The following HHAT variants were observed in gnomAD, a reference collection of about 807,000 sequenced individuals.
HHAT encodes the protein protein-cysteine N-palmitoyltransferase HHAT.
Under a neutral mutation model 70.8 loss-of-function variants are expected in HHAT, and 47 were observed. That is an observed-to-expected ratio of 0.66 (90% confidence interval 0.53 to 0.85). The LOEUF (loss-of-function observed/expected upper bound fraction) is 0.85, where lower values mean the gene tolerates loss of function less well. Among genes scored for constraint, HHAT ranks in the 40% least tolerant of loss-of-function variants. The pLI is 0.00. For synonymous variants in HHAT, 228 were observed against 247.6 expected, an observed-to-expected ratio of 0.92 and a Z score of 0.74; for missense variants, 609 against 604.8, an observed-to-expected ratio of 1.01 and a Z score of -0.07.
At chr1:210,477,806 G>A (rs1185738422) in intron 8 of HHAT, among the ~76,000 whole-genome samples, 1 of 152,188 alleles carries the variant, frequency 6.6e-6, no homozygotes, top group African/African-American at 2.4e-5. Flanking sequence ...TTCTTCAGCT[G>A]GGAGTGGGGA....
At chr1:210,662,680 C>G (rs868455246) in intron 11 of HHAT, among the ~76,000 whole-genome samples, 1 of 150,818 alleles carries the variant, frequency 6.6e-6, no homozygotes, top group Admixed American at 6.7e-5. Flanking sequence ...TTTTTCAGCA[C>G]CCCTTCTGCT....
chr1:210,397,306 A>G (rs1170733861), intron 4 of HHAT, among the ~76,000 whole-genome samples: 1 of 152,226 alleles, frequency 6.6e-6, no homozygotes, highest in Non-Finnish European at 1.5e-5. Flanking sequence ...TTATGTGATC[A>G]ATGTGATTCT....
chr1:210,585,279 A>G (rs1227031952), intron 9 of HHAT, among the ~76,000 whole-genome samples: 2 of 152,232 alleles, frequency 1.3e-5, no homozygotes, highest in Non-Finnish European at 2.9e-5. Flanking sequence ...ATAATTTATT[A>G]TCTAAACTGG....
chr1:210,657,586 G>A (rs1055660210), intron 11 of HHAT, among the ~76,000 whole-genome samples: 2 of 152,220 alleles, frequency 1.3e-5, no homozygotes, highest in Non-Finnish European at 1.5e-5. Context: ...AGAAATTCAA[G>A]TCAAGTAATT....
chr1:210,641,883 C>G (rs182813098), intron 11 of HHAT, among the ~76,000 whole-genome samples: 1 of 152,316 alleles, frequency 6.6e-6, no homozygotes, highest in Non-Finnish European at 1.5e-5. Flanking sequence ...AAGCTGCAAC[C>G]CTTCTTACAC....
chr1:210,664,148 A>G (rs1678392705), intron 11 of HHAT, among the ~76,000 whole-genome samples: 1 of 152,220 alleles, frequency 6.6e-6, no homozygotes, highest in South Asian at 2.1e-4. Flanking sequence ...GTTGCTGTGT[A>G]TCTTTTGATA....
chr1:210,661,662 C>T (rs1317107128), intron 11 of HHAT, among the ~76,000 whole-genome samples: 2 of 152,146 alleles, frequency 1.3e-5, no homozygotes, highest in Non-Finnish European at 2.9e-5. Context: ...AAATGTCCAT[C>T]AATGATAGAC....
At chr1:210,649,628 C>T (rs1039397380) in intron 11 of HHAT, among the ~76,000 whole-genome samples, 3 of 152,232 alleles carry the variant, frequency 2.0e-5, no homozygotes, top group South Asian at 2.1e-4. Context: ...TCATCTCTGG[C>T]AGGAGCCACA....
chr1:210,349,242 T>C (rs2086799165), intron 2 of HHAT, among the ~76,000 whole-genome samples, 176 bp downstream of exon 2: 1 of 152,204 alleles, frequency 6.6e-6, no homozygotes, highest in South Asian at 2.1e-4. Flanking sequence ...TTGAGTTTTC[T>C]ACCCTAAACC....
rs184977044 is a variant in HHAT at position 210,500,113 on chromosome 1, C to T, written c.1008-13040C>T. ...TTCAAAGCAGTTGGGTTTGGGTTAC[C>T]AACAGGGGCAAGGCCAAATGTTCAA... is the stretch of plus-strand genomic sequence containing the variant. On this transcript the variant is annotated intron_variant, in intron 8 of 11. Coordinates refer to ENST00000261458, the MANE Select transcript of HHAT (RefSeq NM_018194.6). Among the ~76,000 whole-genome samples the T allele has an allele frequency of 3.1e-3, 465 of 152,180 alleles. 4 individuals carry two copies. Among genetic ancestry groups the T allele is most frequent in the African/African-American group, 0.011 (440 of 41,526 alleles).
intron 9 of HHAT, among the ~76,000 whole-genome samples, chr1:210,527,039 T>C (rs144198801): frequency 4.1e-4 from 63 of 152,256 alleles, no homozygotes; most frequent in African/African-American, 1.4e-3. Context: ...GATCTTTTGT[T>C]CTAATGAGAC....
chr1:210,424,746 A>G (rs75564586), intron 7 of HHAT, among the ~76,000 whole-genome samples: 1 of 152,110 alleles, frequency 6.6e-6, no homozygotes, highest in Non-Finnish European at 1.5e-5. Flanking sequence ...TATCCAGGCT[A>G]TCATTGATGG....
chr1:210,637,874 G>C (rs1041640660), intron 11 of HHAT, among the ~76,000 whole-genome samples: 2 of 142,132 alleles, frequency 1.4e-5, no homozygotes, highest in Admixed American at 7.2e-5. Context: ...AAAAAAAAGG[G>C]GGGGGCAAAG....
intron 10 of HHAT, among the ~76,000 whole-genome samples, chr1:210,597,042 G>A (rs370917591): frequency 6.6e-6 from 1 of 152,132 alleles, no homozygotes; most frequent in Non-Finnish European, 1.5e-5. Flanking sequence ...TTTGCATTAC[G>A]GGGCACCCCA....
intron 6 of HHAT, among the ~76,000 whole-genome samples, chr1:210,415,517 T>C (rs897727196): frequency 1.3e-5 from 2 of 152,218 alleles, no homozygotes; most frequent in Admixed American, 1.3e-4. Context: ...CAAATTCTGC[T>C]TCCTGTGAAC....
intron 6 of HHAT, among the ~76,000 whole-genome samples, chr1:210,405,277 T>C (rs898828008): frequency 6.6e-6 from 1 of 152,114 alleles, no homozygotes; most frequent in East Asian, 1.9e-4. Context: ...TGAAATGCCA[T>C]GTTAAGCTAC....
At chr1:210,635,802 T>A (rs1202429361) in intron 11 of HHAT, among the ~76,000 whole-genome samples, 1 of 152,194 alleles carries the variant, frequency 6.6e-6, no homozygotes, top group African/African-American at 2.4e-5. Flanking sequence ...CCCTAGAATT[T>A]GAAAGGATAT....
At chr1:210,644,602 CAAAAAAAAAAA>C (rs57190952) in intron 11 of HHAT, among the ~76,000 whole-genome samples, 1 of 64,026 alleles carries the variant, frequency 1.6e-5, no homozygotes, top group East Asian at 6.4e-4. Context: ...GACTCCATCT[CAAAAAAAAAAA>C]AAAAAAAAAA....
At chr1:210,449,385 C>A (rs969241487) in intron 7 of HHAT, among the ~76,000 whole-genome samples, 22 of 152,054 alleles carry the variant, frequency 1.4e-4, no homozygotes, top group African/African-American at 5.1e-4. Flanking sequence ...TGCTTCGTGG[C>A]TGACGAGTGT....
Sources: allele counts gnomAD v4.1 joint callset (sites outside exome capture counted in the v4.1 genomes callset), GRCh38; gene constraint gnomAD v4.1.1; transcripts MANE v1.5; gene names NCBI Gene and HGNC (gene_info 2026-07-23, HGNC 2026-07-21).